The following CNOT1 variants were observed in gnomAD, a reference collection of about 807,000 sequenced individuals.
CNOT1 encodes the protein CCR4-NOT transcription complex subunit 1, also known as CCR4-associated factor 1.
Under a neutral mutation model 273.8 loss-of-function variants are expected in CNOT1, and 15 were observed. The observed-to-expected ratio is 0.05, with a 90% CI of 0.04 to 0.08. The LOEUF is 0.08. CNOT1 is among the 10% of genes least tolerant of loss of function. The pLI is 1.00. For missense variants in CNOT1, 1,644 were observed against 2,912.2 expected (o/e 0.56, Z 10.02); for synonymous variants, 1,022 against 1,005.5 (o/e 1.02, Z -0.31).
At position 58,556,827 on chromosome 16, in the gene CNOT1, C is replaced by T. The variant is rs766002524; in HGVS notation, c.2479+20G>A. On this transcript the variant is annotated intron_variant, in intron 19 of 48. Coordinates refer to ENST00000317147, the MANE Select transcript of CNOT1 (RefSeq NM_016284.5). ...TTTTATCAGTCACACTTCACAATCA[C>T]AGACAACACTACCACTTACAAGGTT... The T allele has an allele frequency of 1.3e-5, 21 of 1,610,184 alleles. No homozygotes were observed. Among genetic ancestry groups the T allele is most frequent in the Non-Finnish European group, 1.8e-5 (21 of 1,178,258 alleles).
At position 58,553,874 on chromosome 16, in the gene CNOT1, TA is replaced by T; in HGVS notation, c.2892-15del. ...TAGTCCTTCAATCTGCCAACAAAAT[TA>T]TTCTACCATCATTTCATGTCAGAAC... On this transcript the variant is annotated splice_polypyrimidine_tract_variant and intron_variant, in intron 21 of 48. Coordinates refer to ENST00000317147, the MANE Select transcript of CNOT1 (RefSeq NM_016284.5). The T allele has an allele frequency of 6.2e-7, 1 of 1,603,458 alleles. No homozygotes were observed. The highest frequency in any genetic ancestry group is 8.5e-7 in the Non-Finnish European group (1 of 1,177,176).
intron 40 of CNOT1, 147 bp downstream of exon 40, chr16:58,534,000 T>TA: frequency 2.8e-6 from 3 of 1,079,054 alleles, no homozygotes; most frequent in South Asian, 9.0e-5. Flanking sequence ...CTCATGCCTG[T>TA]ATTCCCAGCT....
intron 18 of CNOT1, among the ~76,000 whole-genome samples, chr16:58,558,132 T>C (rs2040702095): frequency 6.6e-6 from 1 of 152,226 alleles, no homozygotes; most frequent in South Asian, 2.1e-4. Context: ...CTACCTTTAT[T>C]ATACCAACCT....
rs779945627 is a variant in CNOT1, at chr16:58,574,776, G to C, written c.1828-16C>G. 4.4e-6 allele frequency: 7 copies of C among 1,585,464 alleles called. No homozygotes were observed. The African/African-American group carries it at 9.6e-5, about 22-fold the overall frequency. ...TAAAAGGCTCCTGAAGAATAGAAAA[G>C]TCTCTCAGTGTATTTAAAATTGATC... On this transcript the variant is annotated splice_polypyrimidine_tract_variant and intron_variant, in intron 15 of 48. Transcript: ENST00000317147.
At chr16:58,590,306 T>C (rs1289434756) in intron 2 of CNOT1, among the ~76,000 whole-genome samples, 1 of 152,182 alleles carries the variant, frequency 6.6e-6, no homozygotes, top group Admixed American at 6.6e-5. Flanking sequence ...GGATTTATAG[T>C]CCAACTTCAA....
intron 16 of CNOT1, among the ~76,000 whole-genome samples, chr16:58,566,854 G>A (rs1380285118): frequency 6.6e-6 from 1 of 152,080 alleles, no homozygotes; most frequent in East Asian, 1.9e-4. Context: ...GGCTGGTCTT[G>A]AGCTCCCAAC....
At chr16:58,573,770 C>T (rs926601336) in intron 16 of CNOT1, among the ~76,000 whole-genome samples, 2 of 151,924 alleles carry the variant, frequency 1.3e-5, no homozygotes, top group Admixed American at 6.6e-5. Flanking sequence ...CATGAGCCAC[C>T]GCACCCAGCC....
chr16:58,622,426 C>G (rs1255030055), intron 1 of CNOT1, among the ~76,000 whole-genome samples: 1 of 141,450 alleles, frequency 7.1e-6, no homozygotes, highest in South Asian at 2.4e-4. Context: ...ACTTTCTCAT[C>G]AATTTTACTG....
intron 1 of CNOT1, among the ~76,000 whole-genome samples, chr16:58,604,050 T>C (rs1330758149): frequency 1.3e-5 from 2 of 152,186 alleles, no homozygotes; most frequent in African/African-American, 4.8e-5. Flanking sequence ...CCTGTATTTT[T>C]ACTCTACCAA....
chr16:58,566,011 A>T (rs1352142959), intron 16 of CNOT1, among the ~76,000 whole-genome samples: 1 of 152,136 alleles, frequency 6.6e-6, no homozygotes, highest in East Asian at 1.9e-4. Context: ...GATGTTCTAA[A>T]TTCAAATTAG....
intron 1 of CNOT1, among the ~76,000 whole-genome samples, chr16:58,618,578 A>G (rs1430752439): frequency 6.6e-6 from 1 of 151,468 alleles, no homozygotes; most frequent in Non-Finnish European, 1.5e-5. Context: ...GCGAGACTCC[A>G]TTTCAAAGAA....
At position 58,557,001 on chromosome 16, in the gene CNOT1, G is replaced by A. The variant is rs759163592; in HGVS notation, c.2333-8C>T. The stretch of plus-strand genomic sequence containing the variant: ...CTGTGCCAAGACCACCTACTAGAGA[G>A]AACGAAGGCAGCCACAAATCCTATC... On this transcript the variant is annotated splice_region_variant and splice_polypyrimidine_tract_variant and intron_variant, in intron 18 of 48. Transcript: ENST00000317147. 19 of 1,610,956 alleles carry A rather than the reference G, an allele frequency of 1.2e-5. No homozygotes were observed. The highest frequency in any genetic ancestry group is 3.4e-6 in the Non-Finnish European group (4 of 1,179,236).
chr16:58,609,912 A>G (rs557336006), intron 1 of CNOT1, among the ~76,000 whole-genome samples: 61 of 151,634 alleles, frequency 4.0e-4, no homozygotes, highest in African/African-American at 1.5e-3. Flanking sequence ...CATGTTACTA[A>G]CATATACATT....
In CNOT1 at chr16:58,545,448, C is replaced by T. The variant is rs776713145; in HGVS notation, c.4050G>A (p.Thr1350=). ...TPATNTTCTA[T]VPPQPQYSYH... is the part of the protein sequence containing the mutation. ...AGCTGTACTGTGGCTGTGGTGGAAC[C>T]GTGGCTGTACAAGTGGTGTTGGTAG... The change falls in exon 30 of 49, where the codon ACG becomes ACA. Residue 1350 remains threonine, a synonymous_variant. Coordinates refer to ENST00000317147, the MANE Select transcript of CNOT1 (RefSeq NM_016284.5). 16 of 1,613,908 alleles carry T rather than the reference C, an allele frequency of 9.9e-6. No homozygotes were observed. The highest frequency in any genetic ancestry group is 4.5e-5 in the East Asian group (2 of 44,894).
chr16:58,577,346 A>G (rs2041491522), intron 13 of CNOT1, among the ~76,000 whole-genome samples: 1 of 152,196 alleles, frequency 6.6e-6, no homozygotes, highest in Non-Finnish European at 1.5e-5. Context: ...AGGAATGAAG[A>G]CCATCTGGAC....
chr16:58,574,745 C>T lies in CNOT1; in HGVS notation c.1843G>A (p.Ala615Thr), dbSNP rs1238118139. Residue 615 changes from alanine to threonine, a missense_variant, in exon 16 of 49, where the codon GCG becomes ACG. Coordinates refer to ENST00000317147, the MANE Select transcript of CNOT1 (RefSeq NM_016284.5). ...CGTCTCTTTAAAAAAGTCATACACG[C>T]CTGGATAAAAGGCTCCTGAAGAATA... ...IREHGEPFIQACMTFLKRRCP... is the reference protein window; with the variant it reads ...IREHGEPFIQTCMTFLKRRCP... 3 of 1,596,838 alleles carry T rather than the reference C, an allele frequency of 1.9e-6. No individual in the cohort carries two copies. Among genetic ancestry groups the T allele is most frequent in the Admixed American group, 3.8e-5 (2 of 52,744 alleles).
intron 1 of CNOT1, among the ~76,000 whole-genome samples, chr16:58,612,615 T>C (rs1477323416): frequency 6.6e-6 from 1 of 152,144 alleles, no homozygotes; most frequent in Non-Finnish European, 1.5e-5. Flanking sequence ...GGCATGCACC[T>C]GTAATCCCAG....
intron 2 of CNOT1, among the ~76,000 whole-genome samples, chr16:58,598,544 G>A (rs1398649321): frequency 6.6e-6 from 1 of 151,700 alleles, no homozygotes; most frequent in Non-Finnish European, 1.5e-5. Context: ...ACTCCAGCCT[G>A]AGCGACAGAG....
chr16:58,609,231 G>A (rs534660763), intron 1 of CNOT1, among the ~76,000 whole-genome samples: 1 of 152,226 alleles, frequency 6.6e-6, no homozygotes, highest in South Asian at 2.1e-4. Context: ...AATTAGCCAG[G>A]TGTGGTGGCA....
Sources: gnomAD v4.1 joint callset for allele counts (sites outside exome capture counted in the v4.1 genomes callset) on GRCh38, gnomAD v4.1.1 for gene constraint, MANE v1.5 for transcripts, NCBI Gene and HGNC (gene_info 2026-07-23, HGNC 2026-07-21) for gene names.